Variants in TAOK3 observed in about 807,000 individuals in gnomAD.
TAOK3 encodes TAO kinase 3, also known as serine/threonine-protein kinase TAO3.
In TAOK3, 40 loss-of-function variants were observed where a neutral mutation model predicts 120.4. That is an observed-to-expected ratio of 0.33 (90% CI 0.26 to 0.43). The LOEUF is 0.43. TAOK3 is among the 20% of genes least tolerant of loss of function. The probability of loss-of-function intolerance (pLI) is 1.00; values close to 1 mark genes in which losing one functional copy is unlikely to be tolerated. For synonymous variants in TAOK3, 355 were observed against 387.5 expected (o/e 0.92, Z 0.99); for missense variants, 821 against 1,112.1 (o/e 0.74, Z 3.72).
intron 15 of TAOK3, among the ~76,000 whole-genome samples, chr12:118,179,770 G>C (rs1475990808): frequency 2.0e-5 from 3 of 150,108 alleles, no homozygotes; most frequent in Non-Finnish European, 3.0e-5. Context: ...TCAGCCTCCC[G>C]AGTAGCTGGG....
intron 11 of TAOK3, among the ~76,000 whole-genome samples, chr12:118,211,468 T>C (rs17512219): frequency 0.1 from 15,365 of 152,242 alleles, 987 homozygotes; most frequent in Middle Eastern, 0.15. Context: ...GTTTACTACA[T>C]GTTCGTTGCT....
At chr12:118,305,861 C>G (rs61946068) in intron 1 of TAOK3, among the ~76,000 whole-genome samples, 15,153 of 150,250 alleles carry the variant, frequency 0.1, 963 homozygotes, top group Middle Eastern at 0.15. Flanking sequence ...TGAGATCACG[C>G]CACTGCACTC....
At chr12:118,173,528 G>C (rs2036136007) in intron 16 of TAOK3, among the ~76,000 whole-genome samples, 1 of 152,336 alleles carries the variant, frequency 6.6e-6, no homozygotes, top group Non-Finnish European at 1.5e-5. Context: ...CTTGGACAAA[G>C]GAAGTAGTGA....
chr12:118,182,597 G>A (rs910732676), intron 14 of TAOK3, among the ~76,000 whole-genome samples: 7 of 77,514 alleles, frequency 9.0e-5, no homozygotes, highest in African/African-American at 2.8e-4. Context: ...GTGTGTGTGT[G>A]TGTATATATA....
chr12:118,257,378 G>C (rs562008532), intron 2 of TAOK3, among the ~76,000 whole-genome samples: 2 of 152,188 alleles, frequency 1.3e-5, no homozygotes, highest in East Asian at 3.9e-4. Context: ...ACATCATTTT[G>C]ACATGCTCAT....
chr12:118,321,773 T>G (rs2140948839), intron 1 of TAOK3, among the ~76,000 whole-genome samples: 1 of 152,300 alleles, frequency 6.6e-6, no homozygotes, highest in Non-Finnish European at 1.5e-5. Flanking sequence ...GAGATGGCAA[T>G]GTTGCTACAA....
At chr12:118,310,333 G>A (rs1032606442) in intron 1 of TAOK3, among the ~76,000 whole-genome samples, 16 of 152,154 alleles carry the variant, frequency 1.1e-4, no homozygotes, top group African/African-American at 3.6e-4. Flanking sequence ...AGACCTTAAT[G>A]TTTTCTAACA....
intron 11 of TAOK3, among the ~76,000 whole-genome samples, chr12:118,202,532 G>A (rs889819447): frequency 5.3e-5 from 8 of 151,836 alleles, no homozygotes; most frequent in African/African-American, 1.2e-4. Flanking sequence ...ACTTATTATC[G>A]CTTATCTTTT....
intron 1 of TAOK3, among the ~76,000 whole-genome samples, chr12:118,343,668 A>C (rs2044726206): frequency 6.6e-6 from 1 of 152,158 alleles, no homozygotes; most frequent in Admixed American, 6.5e-5. Flanking sequence ...AGCAATTTAA[A>C]TATGAGAATT....
At chr12:118,316,446 G>A (rs1279505288) in intron 1 of TAOK3, among the ~76,000 whole-genome samples, 1 of 151,996 alleles carries the variant, frequency 6.6e-6, no homozygotes, top group Non-Finnish European at 1.5e-5. Flanking sequence ...TCTCTTAGAG[G>A]TGGGGTCTCG....
In TAOK3 at chr12:118,205,223, C is replaced by T. The variant is rs180759967; in HGVS notation, c.820-3760G>A. The stretch of plus-strand genomic sequence containing the variant: ...AAAAATAAAAAATACCAAAATTAGC[C>T]AGGCGTGGTAGTGCCCGCCTATAGT... On this transcript the variant is annotated intron_variant, in intron 11 of 20. Transcript: ENST00000392533. Among the ~76,000 whole-genome samples the T allele has an allele frequency of 5.9e-4, 89 of 149,818 alleles. 1 individual carries two copies. The highest frequency in any genetic ancestry group is 2.1e-3 in the African/African-American group (87 of 40,774).
In TAOK3 at chr12:118,353,400, C is replaced by T. The variant is rs558810375; in HGVS notation, c.-194+19248G>A. On this transcript the variant is annotated intron_variant, in intron 1 of 20. Transcript: ENST00000392533. ...AATGAGTTTGGTGTGTTTGAGAGAC[C>T]GACTTCAATAGAACAGAAAGAATAG... Among the ~76,000 whole-genome samples the T allele has an allele frequency of 1.8e-4, 28 of 151,898 alleles. No homozygotes were observed. In the Middle Eastern group the frequency reaches 0.017, roughly 92 times the overall value.
chr12:118,189,657 C>A, intron 14 of TAOK3, 150 bp downstream of exon 14: 1 of 984,872 alleles, frequency 1.0e-6, no homozygotes, highest in South Asian at 1.8e-5. Context: ...GATTTTTTTC[C>A]TAAAATGAAT....
chr12:118,164,317 A>G (rs1177673306), intron 17 of TAOK3, among the ~76,000 whole-genome samples: 1 of 149,166 alleles, frequency 6.7e-6, no homozygotes, highest in African/African-American at 2.5e-5. Flanking sequence ...ACAGAGCGAG[A>G]CTCCGTCTCA....
intron 5 of TAOK3, 103 bp from the exon 6 acceptor site, chr12:118,239,375 A>T (rs778383927): frequency 2.4e-5 from 16 of 661,676 alleles, no homozygotes; most frequent in Non-Finnish European, 4.2e-5. Flanking sequence ...TAGGTGAATA[A>T]ATATTCTGAT....
At chr12:118,349,182 C>T (rs904122503) in intron 1 of TAOK3, among the ~76,000 whole-genome samples, 7 of 152,130 alleles carry the variant, frequency 4.6e-5, no homozygotes, top group African/African-American at 7.2e-5. Flanking sequence ...TGAGCCACCG[C>T]GCTGGCTGAT....
In TAOK3 at chr12:118,243,490, A is replaced by G; in HGVS notation, c.219T>C (p.Val73=). The G allele has an allele frequency of 6.6e-7, 1 of 1,517,218 alleles. No homozygotes were observed. The highest frequency in any genetic ancestry group is 8.8e-7 in the Non-Finnish European group (1 of 1,136,274). 94.0% of individuals were successfully genotyped at this position (1,517,218 alleles called of 1,614,324 possible). Residue 73 remains valine, a synonymous_variant, in exon 5 of 21, where the codon GTT becomes GTC. Transcript: ENST00000392533. Reference sequence around the variant, plus strand: ...GATGCTTCAATTGTCGTAAAAATTTAACTTCCTTAAGAATATCTTGCCATT... The same window carrying G: ...GATGCTTCAATTGTCGTAAAAATTTGACTTCCTTAAGAATATCTTGCCATT... ...HEKWQDILKE[V]KFLRQLKHPN... is the part of the protein sequence containing the mutation.
At chr12:118,237,985 T>A (rs1176299322) in intron 7 of TAOK3, 88 bp downstream of exon 7, 1 of 863,796 alleles carries the variant, frequency 1.2e-6, no homozygotes, top group African/African-American at 1.7e-5. Context: ...TTAGGCAACC[T>A]AAAAATTGGA....
chr12:118,288,485 C>T (rs1160863865), intron 1 of TAOK3, among the ~76,000 whole-genome samples: 2 of 152,178 alleles, frequency 1.3e-5, no homozygotes, highest in Non-Finnish European at 2.9e-5. Context: ...GAGCCCACAC[C>T]AGAAGCTGAA....
Sources: gnomAD v4.1 joint callset for allele counts (sites outside exome capture counted in the v4.1 genomes callset) on GRCh38, gnomAD v4.1.1 for gene constraint, MANE v1.5 for transcripts, NCBI Gene and HGNC (gene_info 2026-07-23, HGNC 2026-07-21) for gene names.